Variants in SNX24 observed in about 807,000 individuals in gnomAD.
The protein encoded by SNX24 is sorting nexin 24.
Under a neutral mutation model 28.7 loss-of-function variants are expected in SNX24, and 22 were observed. The observed-to-expected ratio is 0.77, with a 90% CI of 0.55 to 1.10. The LOEUF is 1.10. Ranked by LOEUF, SNX24 falls within the 50% of genes least tolerant of loss-of-function variation. The pLI, the probability that SNX24 is intolerant of heterozygous loss-of-function variation, is 0.00. For synonymous variants in SNX24, 69 were observed against 71.5 expected, an observed-to-expected ratio of 0.96 and a Z score of 0.18; for missense variants, 221 against 201.1, an observed-to-expected ratio of 1.10 and a Z score of -0.60.
chr5:122,874,113 G>T (rs1319567625), intron 1 of SNX24, among the ~76,000 whole-genome samples: 2 of 152,178 alleles, frequency 1.3e-5, no homozygotes, highest in East Asian at 3.9e-4. Context: ...TGGAGCAGTA[G>T]TTAAATCAGC....
intron 5 of SNX24, among the ~76,000 whole-genome samples, chr5:123,018,435 A>G (rs1425095978): frequency 2.6e-5 from 4 of 152,166 alleles, no homozygotes; most frequent in Admixed American, 1.3e-4. Flanking sequence ...CAGGATATCT[A>G]TAACAGGACA....
chr5:122,926,665 TTTTG>T (rs1758707961), intron 1 of SNX24, among the ~76,000 whole-genome samples: 1 of 149,488 alleles, frequency 6.7e-6, no homozygotes, highest in African/African-American at 2.5e-5. Flanking sequence ...GACTTGGGGG[TTTTG>T]TTTGATTCCA....
chr5:123,002,134 C>A, intron 6 of SNX24, 130 bp downstream of exon 6: 1 of 752,542 alleles, frequency 1.3e-6, no homozygotes, highest in Non-Finnish European at 2.4e-6. Flanking sequence ...TAAACCAGTG[C>A]TCTTGGTATA....
intron 3 of SNX24, among the ~76,000 whole-genome samples, chr5:122,976,918 T>C (rs1330939875): frequency 6.6e-6 from 1 of 152,226 alleles, no homozygotes; most frequent in East Asian, 1.9e-4. Flanking sequence ...TTCCTTTCTT[T>C]TCCCTTTTCT....
chr5:122,886,737 G>A (rs557156151), intron 1 of SNX24, among the ~76,000 whole-genome samples: 1 of 152,130 alleles, frequency 6.6e-6, no homozygotes, highest in Admixed American at 6.5e-5. Flanking sequence ...GGCTGAGGCA[G>A]GAGAATTGCT....
chr5:122,923,524 A>G (rs901568252), intron 1 of SNX24, among the ~76,000 whole-genome samples: 1 of 152,196 alleles, frequency 6.6e-6, no homozygotes, highest in Non-Finnish European at 1.5e-5. Flanking sequence ...AACAGGAACA[A>G]GGCCTTTGTC....
intron 3 of SNX24, among the ~76,000 whole-genome samples, chr5:122,977,880 C>T (rs899827850): frequency 2.6e-5 from 4 of 152,114 alleles, no homozygotes; most frequent in Non-Finnish European, 5.9e-5. Flanking sequence ...CCCACAATCA[C>T]CATAAAATTT....
intron 1 of SNX24, among the ~76,000 whole-genome samples, chr5:122,930,303 G>C (rs903340964): frequency 1.3e-5 from 2 of 152,074 alleles, no homozygotes; most frequent in East Asian, 3.9e-4. Context: ...AAAGATGTTT[G>C]GGTTATTTGT....
At chr5:122,916,022 C>G (rs246303) in intron 1 of SNX24, among the ~76,000 whole-genome samples, 117,301 of 152,272 alleles carry the variant, frequency 0.77, 46,064 homozygotes, top group East Asian at 0.99. Context: ...GAAGATGATT[C>G]ATTGTGTCCT....
At chr5:122,923,243 G>A (rs957589082) in intron 1 of SNX24, among the ~76,000 whole-genome samples, 2 of 151,946 alleles carry the variant, frequency 1.3e-5, no homozygotes, top group African/African-American at 4.8e-5. Context: ...GGAAGCTGAG[G>A]TGGGAGTATA....
intron 1 of SNX24, among the ~76,000 whole-genome samples, chr5:122,924,361 G>T (rs1030215749): frequency 1.3e-5 from 2 of 152,138 alleles, no homozygotes; most frequent in Admixed American, 1.3e-4. Flanking sequence ...TACTGCAACA[G>T]TCGATCTGAT....
chr5:122,924,757 G>A (rs934054271), intron 1 of SNX24, among the ~76,000 whole-genome samples: 4 of 152,038 alleles, frequency 2.6e-5, no homozygotes, highest in African/African-American at 9.7e-5. Context: ...TATCATCTCT[G>A]TTTTACGTAT....
chr5:122,901,529 G>C (rs562856420), intron 1 of SNX24, among the ~76,000 whole-genome samples: 20 of 152,304 alleles, frequency 1.3e-4, no homozygotes, highest in African/African-American at 4.8e-4. Context: ...TGGTATGCAG[G>C]AGGTATTTGG....
At chr5:122,901,554 G>T (rs897468679) in intron 1 of SNX24, among the ~76,000 whole-genome samples, 1 of 152,178 alleles carries the variant, frequency 6.6e-6, no homozygotes, top group Admixed American at 6.5e-5. Context: ...CTCATTTATT[G>T]CCTAAGTCCT....
At chr5:122,897,057 A>AATAT (rs1347116848) in intron 1 of SNX24, among the ~76,000 whole-genome samples, 1 of 152,222 alleles carries the variant, frequency 6.6e-6, no homozygotes, top group African/African-American at 2.4e-5. Flanking sequence ...GTATTAAATC[A>AATAT]ATATAGTGTT....
At chr5:122,968,259 A>G (rs546483406) in intron 3 of SNX24, among the ~76,000 whole-genome samples, 16 of 152,318 alleles carry the variant, frequency 1.1e-4, no homozygotes, top group African/African-American at 3.6e-4. Flanking sequence ...AGGCAGGAGA[A>G]TGGCTTGAAC....
chr5:122,885,870 G>GATCATC (rs1257407046), intron 1 of SNX24, among the ~76,000 whole-genome samples: 1 of 152,154 alleles, frequency 6.6e-6, no homozygotes, highest in African/African-American at 2.4e-5. Flanking sequence ...TTCCACCTCA[G>GATCATC]ATCATCAGGC....
chr5:123,025,917 T>A (rs200755681), intron 5 of SNX24: 4 of 1,611,782 alleles, frequency 2.5e-6, no homozygotes, highest in Non-Finnish European at 2.5e-6. Flanking sequence ...AATGCCATAG[T>A]GCTTCAGCTT....
intron 3 of SNX24, among the ~76,000 whole-genome samples, chr5:122,946,394 C>G (rs964474263): frequency 6.6e-6 from 1 of 152,102 alleles, no homozygotes; most frequent in Non-Finnish European, 1.5e-5. Flanking sequence ...AAGGTGAAAA[C>G]TGTTGAGGAG....
Sources: allele counts gnomAD v4.1 joint callset (sites outside exome capture counted in the v4.1 genomes callset), GRCh38; gene constraint gnomAD v4.1.1; transcripts MANE v1.5; gene names NCBI Gene and HGNC (gene_info 2026-07-23, HGNC 2026-07-21).